Variants in IPCEF1 observed in about 807,000 individuals in gnomAD.
IPCEF1 encodes interaction protein for cytohesin exchange factors 1.
A neutral mutation model predicts 50.9 loss-of-function variants in IPCEF1; 31 were observed. The observed-to-expected ratio is 0.61, with a 90% CI of 0.46 to 0.82. IPCEF1 has a LOEUF of 0.82. Ranked by LOEUF, IPCEF1 falls within the 40% of genes least tolerant of loss-of-function variation. The pLI, the probability that IPCEF1 is intolerant of heterozygous loss-of-function variation, is 0.00. For missense variants in IPCEF1, 458 were observed against 514.0 expected, an observed-to-expected ratio of 0.89 and a Z score of 1.05; for synonymous variants, 181 against 192.0, an observed-to-expected ratio of 0.94 and a Z score of 0.47.
chr6:154,352,490 G>T (rs1784134830), intron 1 of IPCEF1, among the ~76,000 whole-genome samples: 1 of 152,208 alleles, frequency 6.6e-6, no homozygotes, highest in East Asian at 1.9e-4. Context: ...ACTTTGGGCT[G>T]AGTTTAAGCT....
chr6:154,182,517 G>A (rs1360564710), intron 10 of IPCEF1, among the ~76,000 whole-genome samples: 1 of 152,074 alleles, frequency 6.6e-6, no homozygotes, highest in Non-Finnish European at 1.5e-5. Context: ...TCCAAATATA[G>A]GAGCACCCAG....
In IPCEF1 at chr6:154,198,267, C is replaced by T. The variant is rs1776783651; in HGVS notation, c.910+1401G>A. Among the ~76,000 whole-genome samples, 4 of 152,256 alleles carry T rather than the reference C, an allele frequency of 2.6e-5. No individual in the cohort carries two copies. The South Asian group carries it at 8.3e-4, about 32-fold the overall frequency. On this transcript the variant is annotated intron_variant, in intron 10 of 11. Transcript: ENST00000367220. ...GTGCTTCCAAGGAGATACAATTAAG[C>T]TCAATACTTTCACCAAACGACAGCA...
intron 2 of IPCEF1, among the ~76,000 whole-genome samples, chr6:154,277,274 G>A (rs1426714692): frequency 1.3e-5 from 2 of 152,190 alleles, no homozygotes; most frequent in African/African-American, 4.8e-5. Flanking sequence ...GCAAGAACGA[G>A]AGATGTCACT....
chr6:154,256,096 G>C (rs763696174), intron 3 of IPCEF1, among the ~76,000 whole-genome samples: 2 of 152,146 alleles, frequency 1.3e-5, no homozygotes, highest in Non-Finnish European at 2.9e-5. Context: ...GAGTACCATA[G>C]ACTGAGTGGC....
intron 5 of IPCEF1, among the ~76,000 whole-genome samples, chr6:154,228,127 T>C (rs920245430): frequency 6.6e-6 from 1 of 152,074 alleles, no homozygotes; most frequent in Admixed American, 6.6e-5. Context: ...AAAATAACTT[T>C]GTTGAATGGG....
At chr6:154,207,985 G>A (rs1237349852) in intron 9 of IPCEF1, among the ~76,000 whole-genome samples, 2 of 151,978 alleles carry the variant, frequency 1.3e-5, no homozygotes, top group Non-Finnish European at 1.5e-5. Flanking sequence ...CGATGGAATC[G>A]CTGCCATCTT....
chr6:154,181,782 C>T (rs2128569411), intron 10 of IPCEF1, among the ~76,000 whole-genome samples: 1 of 152,314 alleles, frequency 6.6e-6, no homozygotes, highest in South Asian at 2.1e-4. Flanking sequence ...CAATCTAGGA[C>T]ACAAACCACA....
chr6:154,191,969 G>GA (rs1039230572), intron 10 of IPCEF1, among the ~76,000 whole-genome samples: 2 of 149,660 alleles, frequency 1.3e-5, no homozygotes, highest in East Asian at 1.9e-4. Flanking sequence ...GCCCACAACT[G>GA]AAAAAAAAAG....
At position 154,333,894 on chromosome 6, in the gene IPCEF1, A is replaced by T. The variant is rs147175394; in HGVS notation, c.-62+22778T>A. On this transcript the variant is annotated intron_variant, in intron 1 of 11. Coordinates refer to ENST00000367220, the MANE Select transcript of IPCEF1 (RefSeq NM_001130700.2). ...CCCCTCCACCCTAATATCTCATACA[A>T]CATGCAAGGGCTTAACAGAAATGAG... Among the ~76,000 whole-genome samples the T allele has an allele frequency of 9.0e-4, 137 of 152,216 alleles. 1 individual carries two copies. The highest frequency in any genetic ancestry group is 3.2e-3 in the African/African-American group (133 of 41,526).
At position 154,168,229 on chromosome 6, in the gene IPCEF1, C is replaced by T. The variant is rs1014436482; in HGVS notation, c.911-116G>A. The T allele has an allele frequency of 1.5e-6, 1 of 688,400 alleles. No homozygotes were observed. 42.6% of individuals were successfully genotyped at this position (688,400 alleles called of 1,614,324 possible). ...CCACTGGCACCCTCATCTCAGACTT[C>T]TCTCCGGAACTGAAAGACAATAAAT... On this transcript the variant is annotated intron_variant, in intron 10 of 11. Transcript: ENST00000367220. This position sits in a 1 kb window ranked among gnomAD's most constrained non-coding sequence, Gnocchi z 4.1.
intron 1 of IPCEF1, among the ~76,000 whole-genome samples, chr6:154,319,587 A>G (rs372602127): frequency 3.3e-5 from 5 of 152,212 alleles, no homozygotes; most frequent in Non-Finnish European, 4.4e-5. Context: ...CTTGCTATCA[A>G]TCATTGCTTT....
In IPCEF1 at chr6:154,168,302, C is replaced by G. The variant is rs1799597416; in HGVS notation, c.911-189G>C. Among the ~76,000 whole-genome samples, 1 of 152,160 alleles carries G rather than the reference C, an allele frequency of 6.6e-6. No individual in the cohort carries two copies. Among genetic ancestry groups the G allele is most frequent in the South Asian group, 2.1e-4 (1 of 4,836 alleles). ...TTTGCGATACTTTGTTACTGCAGAG[C>G]CACGTTCCCTGTGAAGGCACCAGGG... On this transcript the variant is annotated intron_variant, in intron 10 of 11. Coordinates refer to ENST00000367220, the MANE Select transcript of IPCEF1 (RefSeq NM_001130700.2). This position sits in a 1 kb window ranked among gnomAD's most constrained non-coding sequence, Gnocchi z 4.1.
chr6:154,179,177 G>C (rs912008088), intron 10 of IPCEF1, among the ~76,000 whole-genome samples: 1 of 152,078 alleles, frequency 6.6e-6, no homozygotes, highest in Non-Finnish European at 1.5e-5. Flanking sequence ...GACCCAAAAG[G>C]TACAAGTGCA....
At chr6:154,162,997 G>A (rs960764007) in intron 11 of IPCEF1, among the ~76,000 whole-genome samples, 45 of 152,104 alleles carry the variant, frequency 3.0e-4, no homozygotes, top group African/African-American at 1.0e-3. Flanking sequence ...CTTTCCAGTT[G>A]CTCAGAGCAA....
At chr6:154,260,394 G>A (rs1781566862) in intron 3 of IPCEF1, among the ~76,000 whole-genome samples, 1 of 152,092 alleles carries the variant, frequency 6.6e-6, no homozygotes, top group African/African-American at 2.4e-5. Context: ...CTCATTCCCA[G>A]TGAGCCCTGT....
At chr6:154,317,767 G>A (rs753404959) in intron 1 of IPCEF1, among the ~76,000 whole-genome samples, 5 of 149,126 alleles carry the variant, frequency 3.4e-5, no homozygotes, top group African/African-American at 7.7e-5. Flanking sequence ...AGCTACAACC[G>A]GTTTTTTTTT....
intron 10 of IPCEF1, among the ~76,000 whole-genome samples, chr6:154,192,755 C>G (rs9479788): frequency 6.6e-6 from 1 of 151,862 alleles, no homozygotes; most frequent in Non-Finnish European, 1.5e-5. Context: ...CCAACAAACA[C>G]GAAGAAATGT....
chr6:154,304,442 T>A (rs1288591916), intron 1 of IPCEF1, among the ~76,000 whole-genome samples: 1 of 152,116 alleles, frequency 6.6e-6, no homozygotes, highest in African/African-American at 2.4e-5. Flanking sequence ...AAACTTAGCA[T>A]GAATTATTAC....
At chr6:154,333,776 T>G (rs1363118063) in intron 1 of IPCEF1, among the ~76,000 whole-genome samples, 1 of 147,444 alleles carries the variant, frequency 6.8e-6, no homozygotes, top group Non-Finnish European at 1.5e-5. Flanking sequence ...TATATGTATG[T>G]GTGTATATGT....
Sources: allele counts gnomAD v4.1 joint callset (sites outside exome capture counted in the v4.1 genomes callset), GRCh38; gene constraint gnomAD v4.1.1; non-coding constraint Gnocchi (gnomAD v3.1); transcripts MANE v1.5; gene names NCBI Gene and HGNC (gene_info 2026-07-23, HGNC 2026-07-21).